The following SND1 variants were observed in gnomAD, a reference collection of about 807,000 sequenced individuals.
SND1 encodes staphylococcal nuclease and tudor domain containing 1.
SND1 carries 38 observed loss-of-function variants against 121.7 expected under a neutral mutation model. The ratio of observed to expected loss-of-function variants is 0.31; its 90% CI spans 0.24 to 0.41. The LOEUF (loss-of-function observed/expected upper bound fraction) is 0.41, where lower values mean the gene tolerates loss of function less well. Ranked by LOEUF, SND1 falls within the 10% of genes least tolerant of loss-of-function variation. The probability of loss-of-function intolerance (pLI) is 1.00; values close to 1 mark genes in which losing one functional copy is unlikely to be tolerated. For synonymous variants in SND1, 401 were observed against 447.4 expected (o/e 0.90, Z 1.31); for missense variants, 868 against 1,184.6 (o/e 0.73, Z 3.92).
intron 12 of SND1, chr7:127,858,175 C>T (rs1370208197): frequency 3.7e-6 from 3 of 803,452 alleles, no homozygotes; most frequent in African/African-American, 3.4e-5. Flanking sequence ...GGGCCTGGCA[C>T]CCCAAACCCT....
At chr7:128,019,675 A>C (rs570504468) in intron 16 of SND1, among the ~76,000 whole-genome samples, 1 of 152,364 alleles carries the variant, frequency 6.6e-6, no homozygotes, top group Admixed American at 6.5e-5. Context: ...TCCTTGCCTG[A>C]AAGCACTGTT....
intron 10 of SND1, among the ~76,000 whole-genome samples, chr7:127,771,903 C>G (rs907331795): frequency 6.6e-6 from 1 of 152,124 alleles, no homozygotes; most frequent in South Asian, 2.1e-4. Context: ...TCGGTGGTTT[C>G]GCTTCCGGCT....
In SND1 at chr7:128,010,790, C is replaced by G. The variant is rs552698517; in HGVS notation, c.1779+19734C>G. Among the ~76,000 whole-genome samples the G allele has an allele frequency of 9.8e-5, 15 of 152,294 alleles. No homozygotes were observed. In the South Asian group the frequency reaches 3.1e-3, roughly 32 times the overall value. ...AAGTATGCAGATCTCCATGCTGGCT[C>G]AAGGGCTGTTTGCCAGCCTTCCTTT... On this transcript the variant is annotated intron_variant, in intron 16 of 23. Transcript: ENST00000354725.
At chr7:127,973,807 C>G (rs373322586) in intron 15 of SND1, among the ~76,000 whole-genome samples, 3 of 152,182 alleles carry the variant, frequency 2.0e-5, no homozygotes, top group Admixed American at 2.0e-4. Context: ...GCAGAGCTGA[C>G]CTTTTATGTA....
At position 127,718,103 on chromosome 7, in the gene SND1, G is replaced by T. The variant is rs116011695; in HGVS notation, c.1039-3184G>T. ...AATTGGATTTAGTGCATGTATTTGA[G>T]TCCAGCTAATGACTTTTTCCATGTA... On this transcript the variant is annotated intron_variant, in intron 9 of 23. Coordinates refer to ENST00000354725, the MANE Select transcript of SND1 (RefSeq NM_014390.4). 4.2e-3 allele frequency among the ~76,000 whole-genome samples: 638 copies of T among 152,224 alleles called. 8 individuals are homozygous for T. The highest frequency in any genetic ancestry group is 0.014 in the African/African-American group (602 of 41,524).
intron 12 of SND1, among the ~76,000 whole-genome samples, chr7:127,850,558 A>G (rs968637463): frequency 6.6e-5 from 10 of 152,206 alleles, no homozygotes; most frequent in African/African-American, 1.9e-4. Context: ...ATCATAGTCA[A>G]TGAAAAGAAC....
At chr7:128,079,622 G>A (rs187997873) in intron 17 of SND1, among the ~76,000 whole-genome samples, 7 of 152,346 alleles carry the variant, frequency 4.6e-5, no homozygotes, top group East Asian at 1.9e-4. Context: ...CCCCATAGCC[G>A]CTCCTTCTAG....
In SND1 at chr7:127,652,312, C is replaced by CA; in HGVS notation, c.-61dup. On this transcript the variant is annotated 5_prime_UTR_variant, in exon 1 of 24. Transcript: ENST00000354725. ...CTCGACTCCCTTTCACCAACACCGA[C>CA]ACCCACATTGACACCTCCAGTCCGG... The CA allele has an allele frequency of 7.3e-7, 1 of 1,375,450 alleles. No individual in the cohort carries two copies. Among genetic ancestry groups the CA allele is most frequent in the South Asian group, 1.2e-5 (1 of 80,722 alleles). The allele number at this position is 1,375,450 out of a possible 1,614,324, so 85.2% of individuals were successfully genotyped here. A position where few individuals can be genotyped will look rare whatever the true frequency, so the allele number is the denominator to read the frequency against.
chr7:127,713,831 A>G (rs959995729), intron 9 of SND1, among the ~76,000 whole-genome samples: 2 of 152,314 alleles, frequency 1.3e-5, no homozygotes, highest in African/African-American at 4.8e-5. Flanking sequence ...ATGAAATGCA[A>G]AGGAAGGGCT....
intron 15 of SND1, among the ~76,000 whole-genome samples, chr7:127,968,343 A>T (rs974715523): frequency 2.6e-5 from 4 of 152,200 alleles, no homozygotes; most frequent in Non-Finnish European, 5.9e-5. Context: ...TAACACAGAG[A>T]TCTGCAGTCT....
intron 13 of SND1, 57 bp from the exon 14 acceptor site, chr7:127,904,690 C>T: frequency 8.2e-7 from 1 of 1,213,440 alleles, no homozygotes; most frequent in South Asian, 1.2e-5. Flanking sequence ...TTGCACCCTC[C>T]TACCCCTTCC....
At chr7:127,975,265 C>A (rs1802086356) in intron 15 of SND1, among the ~76,000 whole-genome samples, 1 of 152,172 alleles carries the variant, frequency 6.6e-6, no homozygotes, top group Non-Finnish European at 1.5e-5. Context: ...CTTGTTTACA[C>A]CCCAGTATTG....
intron 9 of SND1, among the ~76,000 whole-genome samples, chr7:127,720,676 A>G (rs779800866): frequency 1.3e-5 from 2 of 152,218 alleles, no homozygotes; most frequent in Non-Finnish European, 2.9e-5. Context: ...AGATGTCCGT[A>G]GTAGTAGTGC....
intron 10 of SND1, among the ~76,000 whole-genome samples, chr7:127,802,689 G>A (rs893615972): frequency 6.6e-6 from 1 of 152,106 alleles, no homozygotes; most frequent in African/African-American, 2.4e-5. Flanking sequence ...CAAACTCCAT[G>A]TTTGTATACC....
At chr7:127,665,430 G>A (rs1795399025) in intron 1 of SND1, among the ~76,000 whole-genome samples, 2 of 152,016 alleles carry the variant, frequency 1.3e-5, no homozygotes, top group African/African-American at 2.4e-5. Flanking sequence ...CTCGTGATCT[G>A]CCCACCTTGG....
chr7:127,780,478 G>A (rs558818747), intron 10 of SND1, among the ~76,000 whole-genome samples: 1 of 152,290 alleles, frequency 6.6e-6, no homozygotes, highest in South Asian at 2.1e-4. Context: ...TAATGTATGA[G>A]GCCCAGTGAG....
chr7:127,699,093 G>A, intron 4 of SND1, 140 bp downstream of exon 4: 2 of 662,156 alleles, frequency 3.0e-6, no homozygotes, highest in East Asian at 5.5e-5. Flanking sequence ...GGATTATTCT[G>A]AGCTAGGAAG....
intron 15 of SND1, 127 bp downstream of exon 15, chr7:127,929,456 G>A: frequency 1.1e-6 from 1 of 936,738 alleles, no homozygotes; most frequent in Non-Finnish European, 1.7e-6. Context: ...CTCTGGTTGG[G>A]ATATGCAAAC....
chr7:127,709,620 G>T (rs1288508862), intron 9 of SND1, among the ~76,000 whole-genome samples: 1 of 152,142 alleles, frequency 6.6e-6, no homozygotes, highest in Non-Finnish European at 1.5e-5. Flanking sequence ...ACCTGTAGAA[G>T]AATTTTTTCC....
Sources: gnomAD v4.1 joint callset for allele counts (sites outside exome capture counted in the v4.1 genomes callset) on GRCh38, gnomAD v4.1.1 for gene constraint, MANE v1.5 for transcripts, NCBI Gene and HGNC (gene_info 2026-07-23, HGNC 2026-07-21) for gene names.